Variants in EPHA5 observed in about 807,000 individuals in gnomAD.
EPHA5 encodes ephrin type-A receptor 5.
A neutral mutation model predicts 105.0 loss-of-function variants in EPHA5; 60 were observed. The observed-to-expected ratio is 0.57, with a 90% CI of 0.46 to 0.71. The LOEUF is 0.71. Among genes scored for constraint, EPHA5 ranks in the 30% least tolerant of loss-of-function variants. The pLI, the probability that EPHA5 is intolerant of heterozygous loss-of-function variation, is 0.00. For missense variants in EPHA5, 1,218 were observed against 1,274.7 expected (o/e 0.96, Z 0.68); for synonymous variants, 513 against 449.1 (o/e 1.14, Z -1.80).
At chr4:65,456,301 C>G (rs1459611677) in intron 5 of EPHA5, among the ~76,000 whole-genome samples, 1 of 151,364 alleles carries the variant, frequency 6.6e-6, no homozygotes, top group South Asian at 2.1e-4. Flanking sequence ...ATTTCTGAAC[C>G]CTTCTTTACT....
intron 1 of EPHA5, among the ~76,000 whole-genome samples, chr4:65,668,083 TAGATAAATGC>T (rs1282535336): frequency 6.6e-6 from 1 of 152,174 alleles, no homozygotes; most frequent in Non-Finnish European, 1.5e-5. Flanking sequence ...TATATGTATA[TAGATAAATGC>T]AGATAAATAC....
chr4:65,601,568 T>A (rs2149436252), intron 3 of EPHA5, 73 bp downstream of exon 3: 1 of 1,334,396 alleles, frequency 7.5e-7, no homozygotes, highest in South Asian at 1.4e-5. Context: ...TTCCTCATAA[T>A]CATTGGAGGA....
At chr4:65,393,937 G>A (rs1053143298) in intron 8 of EPHA5, among the ~76,000 whole-genome samples, 2 of 152,232 alleles carry the variant, frequency 1.3e-5, no homozygotes, top group Admixed American at 1.3e-4. Context: ...TTGTAATCTG[G>A]ATATTCAAGA....
At chr4:65,479,937 G>C (rs1224640781) in intron 5 of EPHA5, among the ~76,000 whole-genome samples, 1 of 151,676 alleles carries the variant, frequency 6.6e-6, no homozygotes, top group African/African-American at 2.4e-5. Flanking sequence ...AAGCAGATTT[G>C]GGATAAAAAT....
intron 5 of EPHA5, among the ~76,000 whole-genome samples, chr4:65,454,042 A>T (rs537016177): frequency 6.6e-6 from 1 of 152,248 alleles, no homozygotes; most frequent in South Asian, 2.1e-4. Context: ...ACACTTTGAG[A>T]GGCCAAGGCG....
chr4:65,509,180 T>A (rs1303870057), intron 3 of EPHA5, among the ~76,000 whole-genome samples: 1 of 152,172 alleles, frequency 6.6e-6, no homozygotes, highest in Non-Finnish European at 1.5e-5. Context: ...AGAGACATAC[T>A]TCTTTACTTA....
intron 5 of EPHA5, among the ~76,000 whole-genome samples, chr4:65,458,400 A>G (rs1366136455): frequency 6.6e-6 from 1 of 152,118 alleles, no homozygotes; most frequent in Non-Finnish European, 1.5e-5. Flanking sequence ...ATCTTTGACA[A>G]TGCTACTTCT....
chr4:65,521,168 A>G (rs1734672655), intron 3 of EPHA5, among the ~76,000 whole-genome samples: 1 of 152,202 alleles, frequency 6.6e-6, no homozygotes, highest in Admixed American at 6.5e-5. Flanking sequence ...AATATGGCAC[A>G]TATACACCAT....
chr4:65,519,529 G>A (rs1578318351), intron 3 of EPHA5, among the ~76,000 whole-genome samples: 1 of 152,050 alleles, frequency 6.6e-6, no homozygotes, highest in East Asian at 2.0e-4. Flanking sequence ...TCTGGCCAGG[G>A]CAATTAGGCA....
At chr4:65,489,803 C>A (rs1731229905) in intron 5 of EPHA5, among the ~76,000 whole-genome samples, 1 of 152,088 alleles carries the variant, frequency 6.6e-6, no homozygotes, top group Admixed American at 6.5e-5. Context: ...CATATGGAAT[C>A]TAGAAGTGTT....
intron 8 of EPHA5, among the ~76,000 whole-genome samples, chr4:65,403,814 A>T (rs1722090501): frequency 6.6e-6 from 1 of 152,136 alleles, no homozygotes; most frequent in South Asian, 2.1e-4. Context: ...ACTTCAAATC[A>T]GTATATATCA....
At chr4:65,494,879 T>C (rs903510908) in intron 4 of EPHA5, among the ~76,000 whole-genome samples, 7 of 152,064 alleles carry the variant, frequency 4.6e-5, no homozygotes, top group African/African-American at 1.4e-4. Flanking sequence ...AGTGGCTTTA[T>C]TGGGGCAGTT....
intron 3 of EPHA5, among the ~76,000 whole-genome samples, chr4:65,526,659 G>A (rs1735260390): frequency 6.6e-6 from 1 of 151,804 alleles, no homozygotes; most frequent in South Asian, 2.1e-4. Flanking sequence ...ATCATTTAGA[G>A]CAATAAATTA....
At chr4:65,404,789 G>A (rs1722199659) in intron 7 of EPHA5, among the ~76,000 whole-genome samples, 1 of 152,120 alleles carries the variant, frequency 6.6e-6, no homozygotes, top group African/African-American at 2.4e-5. Context: ...AATTAAAATG[G>A]AACTCCTTTA....
At chr4:65,510,619 C>A (rs1733525625) in intron 3 of EPHA5, among the ~76,000 whole-genome samples, 1 of 152,146 alleles carries the variant, frequency 6.6e-6, no homozygotes, top group South Asian at 2.1e-4. Flanking sequence ...AGTATAACTG[C>A]TGGCAGCAGA....
At chr4:65,336,196 C>T in intron 14 of EPHA5, 71 bp from the exon 15 acceptor site, 1 of 1,260,486 alleles carries the variant, frequency 7.9e-7, no homozygotes, top group Non-Finnish European at 1.1e-6. Context: ...AAAAATGTCC[C>T]ACTGTCCAAC....
chr4:65,545,767 T>C, intron 3 of EPHA5, among the ~76,000 whole-genome samples: 1 of 151,854 alleles, frequency 6.6e-6, no homozygotes, highest in South Asian at 2.1e-4. Context: ...AATAAGAGCT[T>C]CCATGTTGCA....
chr4:65,378,490 AC>A (rs757961579), intron 8 of EPHA5, among the ~76,000 whole-genome samples: 3 of 151,916 alleles, frequency 2.0e-5, no homozygotes, highest in Non-Finnish European at 4.4e-5. Flanking sequence ...TAACTTTCCT[AC>A]CACTTCTGCC....
At chr4:65,361,290 A>G (rs978092867) in intron 11 of EPHA5, among the ~76,000 whole-genome samples, 1 of 151,682 alleles carries the variant, frequency 6.6e-6, no homozygotes, top group African/African-American at 2.4e-5. Flanking sequence ...CTGAAGGTCG[A>G]GTAGAGAGAA....
Sources: gnomAD v4.1 joint callset for allele counts (sites outside exome capture counted in the v4.1 genomes callset) on GRCh38, gnomAD v4.1.1 for gene constraint, MANE v1.5 for transcripts, NCBI Gene and HGNC (gene_info 2026-07-23, HGNC 2026-07-21) for gene names.